The following CANX variants were observed in gnomAD, a reference collection of about 807,000 sequenced individuals.
The protein encoded by CANX is epididymis secretory sperm binding protein.
CANX carries 14 observed loss-of-function variants against 75.7 expected under a neutral mutation model. The ratio of observed to expected loss-of-function variants is 0.19; its 90% CI spans 0.12 to 0.29. The LOEUF (loss-of-function observed/expected upper bound fraction) is 0.29. Among genes scored for constraint, CANX ranks in the 10% least tolerant of loss-of-function variants. The pLI, the probability that CANX is intolerant of heterozygous loss-of-function variation, is 1.00. For synonymous variants in CANX, 227 were observed against 236.9 expected (o/e 0.96, Z 0.38); for missense variants, 567 against 713.2 (o/e 0.79, Z 2.34).
At chr5:179,722,364 A>G (rs1562510732) in intron 10 of CANX, among the ~76,000 whole-genome samples, 1 of 152,230 alleles carries the variant, frequency 6.6e-6, no homozygotes, top group Non-Finnish European at 1.5e-5. Context: ...CTGCTGCTGT[A>G]ATAATCCTTG....
intron 1 of CANX, chr5:179,678,887 T>G: frequency 6.5e-7 from 1 of 1,535,690 alleles, no homozygotes; most frequent in Non-Finnish European, 8.7e-7. Flanking sequence ...CAGCTGGCTC[T>G]CAGTGGTCCA....
At chr5:179,716,423 G>C in intron 8 of CANX, 129 bp downstream of exon 8, 1 of 660,112 alleles carries the variant, frequency 1.5e-6, no homozygotes, top group Non-Finnish European at 2.6e-6. Context: ...TAATCTGTAG[G>C]GAAAATATAG....
At position 179,731,331 on chromosome 5, in the gene CANX, T is replaced by C. The variant is rs1778980183; in HGVS notation, c.*2687T>C. Among the ~76,000 whole-genome samples, 1 of 152,272 alleles carries C rather than the reference T, an allele frequency of 6.6e-6. No homozygotes were observed. The highest frequency in any genetic ancestry group is 2.4e-5 in the African/African-American group (1 of 41,478). ...ATACTTAAATACTTTAGGGGTATTTTTGAAAGTTAGCCCAGTTTTTTATGT... is the reference window on the plus strand; with the variant it reads ...ATACTTAAATACTTTAGGGGTATTTCTGAAAGTTAGCCCAGTTTTTTATGT... On this transcript the variant is annotated 3_prime_UTR_variant, in exon 15 of 15. Transcript: ENST00000247461.
In CANX at chr5:179,685,942, C is replaced by T. The variant is rs558100779; in HGVS notation, c.-4+7165C>T. Among the ~76,000 whole-genome samples the T allele has an allele frequency of 1.2e-4, 19 of 152,188 alleles. No homozygotes were observed. The South Asian group carries it at 3.9e-3, about 32-fold the overall frequency. ...CTGACCTCAGGTTATCTGTCTGCCT[C>T]GACCTCCCAGAATGCTGGGATTACA... On this transcript the variant is annotated intron_variant, in intron 1 of 14. Transcript: ENST00000681674.
At chr5:179,717,217 A>G (rs1303959576) in intron 8 of CANX, among the ~76,000 whole-genome samples, 1 of 152,226 alleles carries the variant, frequency 6.6e-6, no homozygotes, top group Non-Finnish European at 1.5e-5. Flanking sequence ...GGTAAGATAC[A>G]TATAACTGAA....
intron 1 of CANX, among the ~76,000 whole-genome samples, chr5:179,691,916 T>C (rs1776305123): frequency 6.6e-6 from 1 of 151,640 alleles, no homozygotes; most frequent in Admixed American, 6.6e-5. Context: ...TAGCTGGGAC[T>C]ACAGGCACCC....
chr5:179,698,642 G>A (rs1490012082), upstream of CANX: 10 of 1,229,422 alleles, frequency 8.1e-6, no homozygotes, highest in Non-Finnish European at 1.1e-5. Context: ...CGCCCCGAAG[G>A]CACCACAGCA....
chr5:179,693,793 T>C (rs1248605093), upstream of CANX, among the ~76,000 whole-genome samples: 1 of 151,572 alleles, frequency 6.6e-6, no homozygotes, highest in Non-Finnish European at 1.5e-5. Context: ...CAGTGAGCCA[T>C]GATTGTGCCA....
exon 1 of CANX, chr5:179,678,696 G>C (rs558988617): frequency 6.5e-7 from 1 of 1,536,880 alleles, no homozygotes; most frequent in Non-Finnish European, 8.7e-7. Flanking sequence ...ATCACCTCGG[G>C]GTTGCGCTGC....
At chr5:179,684,894 A>G (rs1183691851) in intron 1 of CANX, among the ~76,000 whole-genome samples, 39 of 141,114 alleles carry the variant, frequency 2.8e-4, no homozygotes, top group Admixed American at 8.8e-4. Flanking sequence ...GTGGGATTAC[A>G]GGCGTGTGCC....
chr5:179,681,700 A>G (rs1776068934), intron 1 of CANX, among the ~76,000 whole-genome samples: 1 of 152,134 alleles, frequency 6.6e-6, no homozygotes, highest in South Asian at 2.1e-4. Context: ...GGATCTCAGT[A>G]GGGCGCCAGC....
rs780963402 is a variant in CANX at position 179,716,282 on chromosome 5, A to G, written c.899A>G (p.Lys300Arg). ...RPKIPDPEAV[K>R]PDDWDEDAPA... Reference sequence around the variant, plus strand: ...AAAATCCCAGATCCAGAAGCTGTCAAGCCAGATGACTGGTGAGTCTTGGGG... The same window carrying G: ...AAAATCCCAGATCCAGAAGCTGTCAGGCCAGATGACTGGTGAGTCTTGGGG... The change falls in exon 8 of 15, where the codon AAG becomes AGG. Residue 300 changes from lysine (K) to arginine (R), a missense_variant. This residue lies in a region of CANX where 351 missense variants were observed against 433.8 expected (regional missense o/e 0.81). Coordinates refer to ENST00000247461, the MANE Select transcript of CANX (RefSeq NM_001746.4). 6.2e-7 allele frequency: 1 copy of G among 1,613,862 alleles called. No homozygotes were observed. Among genetic ancestry groups the G allele is most frequent in the Admixed American group, 1.7e-5 (1 of 59,988 alleles).
rs541995616 is a variant in CANX, at chr5:179,699,936, C to A, written c.-4+834C>A. 9.9e-5 allele frequency among the ~76,000 whole-genome samples: 15 copies of A among 152,210 alleles called. No homozygotes were observed. The East Asian group carries it at 2.7e-3, about 27-fold the overall frequency. ...GGCAGTTTTCTTACCCTTTGTGCCC[C>A]CGTTCTTGTCAAGTAATGGATATAA... On this transcript the variant is annotated intron_variant, in intron 1 of 14. Transcript: ENST00000247461.
chr5:179,688,328 C>G (rs956885408), intron 1 of CANX, among the ~76,000 whole-genome samples: 1 of 146,796 alleles, frequency 6.8e-6, no homozygotes, highest in African/African-American at 2.5e-5. Context: ...GCTGGGATTA[C>G]GAGCGTGAGC....
At chr5:179,692,025 C>T (rs916404143) in intron 1 of CANX, among the ~76,000 whole-genome samples, 37 of 151,700 alleles carry the variant, frequency 2.4e-4, no homozygotes, top group Non-Finnish European at 1.3e-4. Context: ...CATGATCCAC[C>T]CACCTCAGCC....
intron 8 of CANX, among the ~76,000 whole-genome samples, chr5:179,718,321 C>G (rs138951188): frequency 6.6e-6 from 1 of 151,850 alleles, no homozygotes; most frequent in Non-Finnish European, 1.5e-5. Flanking sequence ...GGACTACAAG[C>G]GTGCACCACT....
At chr5:179,696,135 G>A (rs1163261699), upstream of CANX, among the ~76,000 whole-genome samples, 1 of 151,844 alleles carries the variant, frequency 6.6e-6, no homozygotes, top group African/African-American at 2.4e-5. Flanking sequence ...GCCCAGGCTG[G>A]TCTTGAATCC....
intron 7 of CANX, among the ~76,000 whole-genome samples, chr5:179,711,452 C>A (rs536017623): frequency 1.3e-5 from 2 of 152,142 alleles, no homozygotes; most frequent in African/African-American, 4.8e-5. Flanking sequence ...CAAAAAACTT[C>A]TTTTCCACAG....
chr5:179,712,904 TA>T (rs1304159941), intron 7 of CANX, among the ~76,000 whole-genome samples: 53 of 140,518 alleles, frequency 3.8e-4, no homozygotes, highest in African/African-American at 1.3e-3. Context: ...TTCTTTTTTT[TA>T]TTATTATTAT....
Sources: allele counts gnomAD v4.1 joint callset (sites outside exome capture counted in the v4.1 genomes callset), GRCh38; gene constraint gnomAD v4.1.1; regional missense constraint gnomAD v4.1.1; transcripts MANE v1.5; gene names NCBI Gene and HGNC (gene_info 2026-07-23, HGNC 2026-07-21).